SORCS2: variants seen among roughly 807,000 people sequenced by gnomAD.
SORCS2 encodes the protein sortilin related VPS10 domain containing receptor 2.
A neutral mutation model predicts 141.6 loss-of-function variants in SORCS2; 100 were observed. The observed-to-expected ratio is 0.71, with a 90% CI of 0.60 to 0.83. The LOEUF (loss-of-function observed/expected upper bound fraction) is 0.83. Among genes scored for constraint, SORCS2 ranks in the 40% least tolerant of loss-of-function variants. SORCS2 has a pLI of 0.00. For missense variants in SORCS2, 1,646 were observed against 1,560.2 expected, an observed-to-expected ratio of 1.05 and a Z score of -0.93; for synonymous variants, 789 against 676.9, an observed-to-expected ratio of 1.17 and a Z score of -2.57.
intron 1 of SORCS2, among the ~76,000 whole-genome samples, chr4:7,360,950 C>T (rs1399610628): frequency 2.0e-5 from 3 of 151,978 alleles, no homozygotes; most frequent in African/African-American, 4.8e-5. Context: ...ATGCTGGGTT[C>T]GCCCCTGCCT....
intron 2 of SORCS2, among the ~76,000 whole-genome samples, chr4:7,524,727 A>G (rs1307071374): frequency 6.6e-6 from 1 of 151,534 alleles, no homozygotes; most frequent in Non-Finnish European, 1.5e-5. Flanking sequence ...CTCTCTTCCC[A>G]CCGGCCTGGC....
chr4:7,228,582 T>C (rs1034691294), intron 1 of SORCS2, among the ~76,000 whole-genome samples: 1 of 152,218 alleles, frequency 6.6e-6, no homozygotes, highest in Non-Finnish European at 1.5e-5. Context: ...GCAGAGGACA[T>C]GGACTTGGCC....
chr4:7,615,756 C>T (rs573378492), intron 3 of SORCS2, among the ~76,000 whole-genome samples: 7 of 141,046 alleles, frequency 5.0e-5, no homozygotes, highest in South Asian at 2.2e-4. Flanking sequence ...TCCCTCTTCA[C>T]GGTGCTCATC....
At chr4:7,378,136 A>G (rs1210486319) in intron 1 of SORCS2, among the ~76,000 whole-genome samples, 5 of 152,188 alleles carry the variant, frequency 3.3e-5, no homozygotes, top group Non-Finnish European at 7.4e-5. Context: ...TCAAATACAG[A>G]TGGGGTGGGT....
At chr4:7,714,592 C>T (rs1726061496) in intron 16 of SORCS2, among the ~76,000 whole-genome samples, 1 of 152,202 alleles carries the variant, frequency 6.6e-6, no homozygotes, top group South Asian at 2.1e-4. Context: ...TTTGTGGGTG[C>T]ATTTTTAAAC....
chr4:7,305,399 G>T (rs1370748262), intron 1 of SORCS2, among the ~76,000 whole-genome samples: 1 of 149,426 alleles, frequency 6.7e-6, no homozygotes, highest in Admixed American at 6.7e-5. Context: ...TATTTCTATG[G>T]AATACAATCC....
In SORCS2 at chr4:7,249,877, C is replaced by A. The variant is rs182229304; in HGVS notation, c.480+56751C>A. Reference sequence around the variant, plus strand: ...ATCCACTCAGATTTGCTCTATGTGGCCCCTGAGCAGGGCCCACGGTGCGTG... The same window carrying A: ...ATCCACTCAGATTTGCTCTATGTGGACCCTGAGCAGGGCCCACGGTGCGTG... On this transcript the variant is annotated intron_variant, in intron 1 of 26. Coordinates refer to ENST00000507866, the MANE Select transcript of SORCS2 (RefSeq NM_020777.3). Among the ~76,000 whole-genome samples the A allele has an allele frequency of 2.0e-4, 31 of 152,328 alleles. No individual in the cohort carries two copies. In the East Asian group the frequency reaches 3.3e-3, roughly 16 times the overall value.
intron 2 of SORCS2, among the ~76,000 whole-genome samples, chr4:7,505,656 G>A (rs920432029): frequency 6.6e-6 from 1 of 152,094 alleles, no homozygotes; most frequent in Non-Finnish European, 1.5e-5. Flanking sequence ...CACGGAGAGG[G>A]TACTCAGATA....
At chr4:7,380,187 G>C (rs1202545501) in intron 1 of SORCS2, among the ~76,000 whole-genome samples, 3 of 152,200 alleles carry the variant, frequency 2.0e-5, no homozygotes, top group Non-Finnish European at 4.4e-5. Context: ...GGGTTTGGGG[G>C]CTTACCTGGA....
intron 3 of SORCS2, among the ~76,000 whole-genome samples, chr4:7,535,424 C>A (rs1167763905): frequency 6.6e-6 from 1 of 152,202 alleles, no homozygotes; most frequent in African/African-American, 2.4e-5. Context: ...GGCATAGGGG[C>A]CTGTTCCTGG....
chr4:7,617,923 C>T (rs1718875710), intron 3 of SORCS2, among the ~76,000 whole-genome samples: 1 of 152,064 alleles, frequency 6.6e-6, no homozygotes, highest in South Asian at 2.1e-4. Context: ...TTCTGGGATT[C>T]GCAGTCAGGA....
intron 3 of SORCS2, among the ~76,000 whole-genome samples, chr4:7,561,617 C>CT: frequency 6.7e-6 from 1 of 148,910 alleles, no homozygotes; most frequent in African/African-American, 2.6e-5. Flanking sequence ...TCTACCCATC[C>CT]GTCTATCTAC....
intron 4 of SORCS2, among the ~76,000 whole-genome samples, chr4:7,650,901 A>C (rs1321331889): frequency 2.6e-5 from 4 of 152,094 alleles, no homozygotes; most frequent in African/African-American, 9.7e-5. Context: ...TCAGCATATG[A>C]TGCTTCTGGG....
At chr4:7,650,967 C>A (rs80218774) in intron 4 of SORCS2, among the ~76,000 whole-genome samples, 2 of 152,214 alleles carry the variant, frequency 1.3e-5, no homozygotes, top group South Asian at 2.1e-4. Context: ...AAATGCAGTG[C>A]GGACCGTATT....
intron 1 of SORCS2, among the ~76,000 whole-genome samples, chr4:7,389,656 G>A (rs796749024): frequency 6.6e-6 from 1 of 152,218 alleles, no homozygotes; most frequent in Admixed American, 6.5e-5. Context: ...GGGTGCACAG[G>A]GTGGTCAGGG....
intron 1 of SORCS2, among the ~76,000 whole-genome samples, chr4:7,282,184 C>G (rs886943774): frequency 3.3e-5 from 5 of 152,216 alleles, no homozygotes; most frequent in African/African-American, 1.2e-4. Flanking sequence ...ATGGGAAGAT[C>G]CTATCAGTGC....
At chr4:7,545,569 CA>C (rs1397560691) in intron 3 of SORCS2, among the ~76,000 whole-genome samples, 1 of 152,160 alleles carries the variant, frequency 6.6e-6, no homozygotes, top group African/African-American at 2.4e-5. Context: ...ACAGGCTCAC[CA>C]AGGCTCAGGG....
At chr4:7,539,678 C>CTACCCCCGTTATG (rs1234528255) in intron 3 of SORCS2, among the ~76,000 whole-genome samples, 1 of 152,114 alleles carries the variant, frequency 6.6e-6, no homozygotes, top group Non-Finnish European at 1.5e-5. Flanking sequence ...TGCAAGGCCC[C>CTACCCCCGTTATG]GACCCCCGTT....
At chr4:7,334,641 T>A (rs937962825) in intron 1 of SORCS2, among the ~76,000 whole-genome samples, 1 of 151,092 alleles carries the variant, frequency 6.6e-6, no homozygotes, top group African/African-American at 2.4e-5. Context: ...AGGCGGGGAG[T>A]GTGCACATGC....
Sources: allele counts gnomAD v4.1 joint callset (sites outside exome capture counted in the v4.1 genomes callset), GRCh38; gene constraint gnomAD v4.1.1; transcripts MANE v1.5; gene names NCBI Gene and HGNC (gene_info 2026-07-23, HGNC 2026-07-21).